FGFRL1: variants seen among roughly 807,000 people sequenced by gnomAD.
The protein encoded by FGFRL1 is fibroblast growth factor receptor like 1.
FGFRL1 carries 24 observed loss-of-function variants against 36.8 expected under a neutral mutation model. The ratio of observed to expected loss-of-function variants is 0.65; its 90% CI spans 0.47 to 0.92. FGFRL1 has a LOEUF of 0.92. Among genes scored for constraint, FGFRL1 ranks in the 40% least tolerant of loss-of-function variants. FGFRL1 has a pLI of 0.00. For missense variants in FGFRL1, 785 were observed against 753.4 expected (o/e 1.04, Z -0.49); for synonymous variants, 422 against 344.1 (o/e 1.23, Z -2.50).
intron 2 of FGFRL1, among the ~76,000 whole-genome samples, chr4:1,015,890 A>C (rs1715861575): frequency 6.6e-6 from 1 of 152,196 alleles, no homozygotes; most frequent in African/African-American, 2.4e-5. Context: ...CCCTGTTCCC[A>C]GTGGTGACTG....
Position 1,022,422 on chromosome 4 carries a change from AGGCCACCAACGGCTTC to A in FGFRL1, c.303_318del (p.Thr102AlafsTer2). On this transcript the variant is annotated frameshift_variant, in exon 3 of 7. Coordinates refer to ENST00000510644, the MANE Select transcript of FGFRL1 (RefSeq NM_001004356.3). LOFTEE classifies it high-confidence loss of function. Reference sequence around the variant, plus strand: ...GAGGATGCCGGCGTGTACGTGTGCAAGGCCACCAACGGCTTCGGCAGCCTGAGCGTCAACTACACCC... The same window carrying A: ...GAGGATGCCGGCGTGTACGTGTGCAAGGCAGCCTGAGCGTCAACTACACCC... 1 of 1,611,368 alleles carries A rather than the reference AGGCCACCAACGGCTTC, an allele frequency of 6.2e-7. No individual in the cohort carries two copies. The highest frequency in any genetic ancestry group is 8.5e-7 in the Non-Finnish European group (1 of 1,179,258).
upstream of FGFRL1, among the ~76,000 whole-genome samples, chr4:1,011,524 T>C (rs1434745298): frequency 7.2e-6 from 1 of 139,216 alleles, no homozygotes; most frequent in African/African-American, 2.6e-5. Context: ...TGGGGAAAAG[T>C]TTGGCGGCGG....
At chr4:1,018,732 T>C (rs1210038115) in intron 2 of FGFRL1, among the ~76,000 whole-genome samples, 5 of 152,158 alleles carry the variant, frequency 3.3e-5, no homozygotes, top group Non-Finnish European at 7.4e-5. Context: ...AGTTTCCCCA[T>C]AGGCTGCGTG....
chr4:1,012,429 C>T (rs989632926), intron 1 of FGFRL1, 41 bp from the exon 2 acceptor site: 4 of 1,571,676 alleles, frequency 2.5e-6, no homozygotes, highest in Non-Finnish European at 3.4e-6. Context: ...GCGGTATCTC[C>T]CAGTTCCACG....
chr4:1,022,946 G>A (rs536853905), intron 3 of FGFRL1, among the ~76,000 whole-genome samples: 31 of 152,218 alleles, frequency 2.0e-4, no homozygotes, highest in African/African-American at 7.0e-4. Flanking sequence ...CCGGCACCCC[G>A]CCTGCTCCGC....
chr4:1,015,356 G>A (rs1715834751), intron 2 of FGFRL1, among the ~76,000 whole-genome samples: 1 of 152,190 alleles, frequency 6.6e-6, no homozygotes, highest in Non-Finnish European at 1.5e-5. Flanking sequence ...ACTCTCCCTG[G>A]CGGCCATCCC....
In FGFRL1 at chr4:1,013,617, G is replaced by A. The variant is rs1715729578; in HGVS notation, c.79+1053G>A. 1.3e-5 allele frequency among the ~76,000 whole-genome samples: 2 copies of A among 152,272 alleles called. 1 individual carries two copies. Among genetic ancestry groups the A allele is most frequent in the South Asian group, 4.1e-4 (2 of 4,836 alleles). On this transcript the variant is annotated intron_variant, in intron 2 of 6. Coordinates refer to ENST00000510644, the MANE Select transcript of FGFRL1 (RefSeq NM_001004356.3). ...GCGTCCTGGGCTGTGTGGGCACTCA[G>A]GCCATACTGGGCGAGCCCCTACCAT... is the stretch of plus-strand genomic sequence containing the variant.
chr4:1,015,549 G>A (rs1307271877), intron 2 of FGFRL1, among the ~76,000 whole-genome samples: 1 of 152,232 alleles, frequency 6.6e-6, no homozygotes, highest in African/African-American at 2.4e-5. Flanking sequence ...TCCCCTTGGA[G>A]CAAGTCAGCG....
chr4:1,022,593 C>G (rs1716256869), intron 3 of FGFRL1, 118 bp downstream of exon 3: 7 of 1,320,084 alleles, frequency 5.3e-6, no homozygotes, highest in Non-Finnish European at 7.1e-6. Context: ...GGCAGAAAGC[C>G]TTCCTTCGGT....
At chr4:1,013,499 C>A (rs540561976) in intron 2 of FGFRL1, among the ~76,000 whole-genome samples, 1 of 151,936 alleles carries the variant, frequency 6.6e-6, no homozygotes, top group African/African-American at 2.4e-5. Flanking sequence ...GGGTGGCGGG[C>A]GGTGACCAGG....
intron 2 of FGFRL1, among the ~76,000 whole-genome samples, chr4:1,013,869 C>T (rs1429446310): frequency 1.3e-5 from 2 of 152,288 alleles, no homozygotes; most frequent in African/African-American, 4.8e-5. Context: ...CCTTCGCCTT[C>T]GTCCTCCTCA....
intron 2 of FGFRL1, 62 bp downstream of exon 2, chr4:1,012,626 G>T: frequency 1.6e-6 from 1 of 637,974 alleles, no homozygotes; most frequent in Non-Finnish European, 2.3e-6. Context: ...CTTCCCGCCC[G>T]GCCCTGAACC....
chr4:1,020,426 G>T (rs1428845150), intron 2 of FGFRL1, among the ~76,000 whole-genome samples: 1 of 151,916 alleles, frequency 6.6e-6, no homozygotes, highest in Non-Finnish European at 1.5e-5. Context: ...GGGGCACGCA[G>T]GGCCCTCCTT....
At chr4:1,013,538 A>C (rs13149728) in intron 2 of FGFRL1, among the ~76,000 whole-genome samples, 9 of 65,688 alleles carry the variant, frequency 1.4e-4, no homozygotes, top group African/African-American at 3.0e-4. Context: ...ACCCCCCCCT[A>C]CCCCCCGCCT....
chr4:1,016,909 C>G (rs567535838), intron 2 of FGFRL1, among the ~76,000 whole-genome samples: 1 of 152,254 alleles, frequency 6.6e-6, no homozygotes, highest in African/African-American at 2.4e-5. Context: ...TCTGGGGTTT[C>G]CCACTCACTC....
rs138843839 is a variant in FGFRL1 at position 1,024,489 on chromosome 4, C to T, written c.897C>T (p.Gly299=). Residue 299 remains glycine (G), a synonymous_variant, in exon 6 of 7, where the codon GGC becomes GGT. Transcript: ENST00000510644. ...EGRHNSTIDV[G]GQKFVVLPTG... ...GCCACAACTCCACCATCGATGTGGG[C>T]GGCCAGAAGTTTGTGGTGCTGCCCA... 26 of 1,612,404 alleles carry T rather than the reference C, an allele frequency of 1.6e-5. No homozygotes were observed. Among genetic ancestry groups the T allele is most frequent in the African/African-American group, 5.3e-5 (4 of 74,898 alleles).
At position 1,025,099 on chromosome 4, in the gene FGFRL1, GC is replaced by G; in HGVS notation, c.1270del (p.Arg424AlafsTer156). On this transcript the variant is annotated frameshift_variant, in exon 7 of 7. Transcript: ENST00000510644. LOFTEE classifies it low-confidence loss of function (END_TRUNC). Reference sequence around the variant, plus strand: ...GCCTGGGCACCGCCCGCCGGGGACGGCCCGCGACCGCAGCGGAGACAAGGAC... The same window carrying G: ...GCCTGGGCACCGCCCGCCGGGGACGGCCGCGACCGCAGCGGAGACAAGGAC... Reference protein sequence around the residue: ...PLPGHRPPGTARDRSGDKDLP... With the variant: ...PLPGHRPPGTXRDRSGDKDLP... 1 of 1,610,754 alleles carries G rather than the reference GC, an allele frequency of 6.2e-7. No individual in the cohort carries two copies. Among genetic ancestry groups the G allele is most frequent in the Non-Finnish European group, 8.5e-7 (1 of 1,179,004 alleles).
At chr4:1,011,485 C>T (rs111978765), upstream of FGFRL1, among the ~76,000 whole-genome samples, 1 of 114,128 alleles carries the variant, frequency 8.8e-6, no homozygotes, top group Non-Finnish European at 1.8e-5. Context: ...GGGAGCCCGG[C>T]GGGGCGGGGG....
rs372948683 is a variant in FGFRL1, at chr4:1,025,708, A to G, written c.*361A>G. On this transcript the variant is annotated 3_prime_UTR_variant, in exon 7 of 7. Transcript: ENST00000510644. Reference sequence around the variant, plus strand: ...TGCCTGAACATACACACGCACACCCATGCGCAGATGTGCTGCCTGGACACA... The same window carrying G: ...TGCCTGAACATACACACGCACACCCGTGCGCAGATGTGCTGCCTGGACACA... 5 of 334,622 alleles carry G rather than the reference A, an allele frequency of 1.5e-5. No individual in the cohort carries two copies. Among genetic ancestry groups the G allele is most frequent in the Admixed American group, 4.7e-5 (1 of 21,320 alleles). The allele number at this position is 334,622 out of a possible 1,614,324, so 20.7% of individuals were successfully genotyped here.
Sources: gnomAD v4.1 joint callset for allele counts (sites outside exome capture counted in the v4.1 genomes callset) on GRCh38, gnomAD v4.1.1 for gene constraint, MANE v1.5 for transcripts, NCBI Gene and HGNC (gene_info 2026-07-23, HGNC 2026-07-21) for gene names.